Variants in ATAD5 observed in about 807,000 individuals in gnomAD.
ATAD5 encodes ATPase family AAA domain containing 5.
ATAD5 carries 58 observed loss-of-function variants against 176.9 expected under a neutral mutation model. The observed-to-expected ratio is 0.33, with a 90% CI of 0.27 to 0.41. The LOEUF is 0.41. ATAD5 is among the 10% of genes least tolerant of loss of function. The pLI is 1.00. For missense variants in ATAD5, 1,789 were observed against 2,094.1 expected (o/e 0.85, Z 2.84); for synonymous variants, 640 against 712.6 (o/e 0.90, Z 1.62).
chr17:30,895,279 A>G lies in ATAD5; in HGVS notation c.*366A>G, dbSNP rs554570056. The G allele has an allele frequency of 8.9e-5, 14 of 158,186 alleles. No individual in the cohort carries two copies. The highest frequency in any genetic ancestry group is 3.3e-4 in the African/African-American group (14 of 41,796). 9.8% of individuals were successfully genotyped at this position (158,186 alleles called of 1,614,324 possible). A position where few individuals can be genotyped will look rare whatever the true frequency, so the allele number is the denominator to read the frequency against. On this transcript the variant is annotated 3_prime_UTR_variant, in exon 23 of 23. Coordinates refer to ENST00000321990, the MANE Select transcript of ATAD5 (RefSeq NM_024857.5). ...CTTGGCTGCTAACATTAGTGTCACT[A>G]AAGTTGGTATACAATCTCCCACTGC... is the stretch of plus-strand genomic sequence containing the variant.
intron 13 of ATAD5, 26 bp downstream of exon 13, chr17:30,869,416 T>TTTAA: frequency 6.2e-7 from 1 of 1,609,574 alleles, no homozygotes; most frequent in Non-Finnish European, 8.5e-7. Flanking sequence ...GATGAGAGAA[T>TTTAA]GTTAATGTAA....
At chr17:30,883,749 C>T (rs1029135062) in intron 18 of ATAD5, among the ~76,000 whole-genome samples, 3 of 151,992 alleles carry the variant, frequency 2.0e-5, no homozygotes, top group Non-Finnish European at 4.4e-5. Context: ...TGGGGTTTCA[C>T]CATGTTAGCC....
rs1907402527 is a variant in ATAD5 at position 30,858,267 on chromosome 17, T to A, written c.2900T>A (p.Leu967His). ...EFSLKKYFPL[L>H]LKKQIEHQVL... ...TCATTGAAAAAATATTTTCCCTTAC[T>A]CCTAAAAAAACAAATTGAGCACCAA... Residue 967 changes from leucine (L) to histidine (H), a missense_variant, in exon 9 of 23, where the codon CTC becomes CAC. Around this residue, in one of 6 missense-constraint regions of ATAD5, gnomAD observed 487 missense variants for 573.6 expected, o/e 0.85. Coordinates refer to ENST00000321990, the MANE Select transcript of ATAD5 (RefSeq NM_024857.5). 2.5e-6 allele frequency: 4 copies of A among 1,591,276 alleles called. No individual in the cohort carries two copies. The South Asian group carries it at 4.6e-5, about 18-fold the overall frequency.
intron 1 of ATAD5, among the ~76,000 whole-genome samples, chr17:30,833,730 G>A (rs981905694): frequency 6.6e-6 from 1 of 152,190 alleles, no homozygotes; most frequent in African/African-American, 2.4e-5. Context: ...ACCCAGGCTG[G>A]AGTGCAGTGG....
intron 6 of ATAD5, among the ~76,000 whole-genome samples, chr17:30,845,963 G>A (rs1436440923): frequency 1.3e-5 from 2 of 152,192 alleles, no homozygotes. Context: ...GTCAGGTCTA[G>A]GAGCAACATG....
At chr17:30,886,900 G>A (rs1173495782) in intron 18 of ATAD5, among the ~76,000 whole-genome samples, 1 of 151,930 alleles carries the variant, frequency 6.6e-6, no homozygotes, top group Non-Finnish European at 1.5e-5. Flanking sequence ...AATCCTAAGG[G>A]GTTTTATCAA....
chr17:30,858,123 T>C lies in ATAD5; in HGVS notation c.2794-38T>C, dbSNP rs201413696. The stretch of plus-strand genomic sequence containing the variant: ...TATTGTAATTAACATGAATAGATGA[T>C]GTTGGTCTGTTATTGTGCATTTTAT... On this transcript the variant is annotated intron_variant, in intron 8 of 22. Coordinates refer to ENST00000321990, the MANE Select transcript of ATAD5 (RefSeq NM_024857.5). The C allele has an allele frequency of 2.2e-3, 3,160 of 1,429,514 alleles. 4 individuals carry two copies. The highest frequency in any genetic ancestry group is 2.7e-3 in the Non-Finnish European group (2,922 of 1,074,328). The allele number at this position is 1,429,514 out of a possible 1,614,324, so 88.6% of individuals were successfully genotyped here.
intron 6 of ATAD5, among the ~76,000 whole-genome samples, chr17:30,851,301 C>T (rs1391305392): frequency 1.6e-4 from 23 of 148,310 alleles, no homozygotes; most frequent in African/African-American, 5.4e-4. Flanking sequence ...TCAAGACCAT[C>T]CTGGCTAACA....
At chr17:30,851,365 G>A (rs1186987271) in intron 6 of ATAD5, among the ~76,000 whole-genome samples, 1 of 150,790 alleles carries the variant, frequency 6.6e-6, no homozygotes, top group Non-Finnish European at 1.5e-5. Flanking sequence ...GCGTGGTGGC[G>A]GGCGCCTGTA....
At chr17:30,886,089 A>G (rs1909307832) in intron 18 of ATAD5, among the ~76,000 whole-genome samples, 1 of 151,700 alleles carries the variant, frequency 6.6e-6, no homozygotes, top group African/African-American at 2.4e-5. Context: ...TCCACTTTAT[A>G]TATTGATGGA....
rs555255925 is a variant in ATAD5 at position 30,876,475 on chromosome 17, T to C, written c.3709T>C (p.Leu1237=). The change falls in exon 15 of 23, where the codon TTG becomes CTG. Residue 1237 remains leucine, a synonymous_variant. Transcript: ENST00000321990. ...GPKRALPPKT[L]ANYFKVSPKP... Reference sequence around the variant, plus strand: ...AAAGCGAGCACTTCCTCCCAAAACCTTGGCAAATTATTTTAAAGTATCTCC... The same window carrying C: ...AAAGCGAGCACTTCCTCCCAAAACCCTGGCAAATTATTTTAAAGTATCTCC... 1.7e-4 allele frequency: 274 copies of C among 1,608,104 alleles called. 1 individual carries two copies. The Middle Eastern group carries it at 2.8e-3, about 17-fold the overall frequency.
intron 6 of ATAD5, among the ~76,000 whole-genome samples, chr17:30,848,456 G>A (rs1265964547): frequency 6.6e-6 from 1 of 151,870 alleles, no homozygotes; most frequent in Non-Finnish European, 1.5e-5. Context: ...ACAGGGTTTT[G>A]CCATGTTGCC....
At chr17:30,854,993 A>T (rs951633057) in intron 6 of ATAD5, 150 bp from the exon 7 acceptor site, 9 of 671,228 alleles carry the variant, frequency 1.3e-5, no homozygotes, top group African/African-American at 1.3e-4. Context: ...TCCTTGCCTT[A>T]AGTGATCCGC....
intron 14 of ATAD5, among the ~76,000 whole-genome samples, chr17:30,872,558 T>C (rs1050341101): frequency 9.3e-5 from 12 of 128,946 alleles, no homozygotes; most frequent in African/African-American, 3.2e-4. Flanking sequence ...TTTTTTCTTT[T>C]TTTTTTTCTT....
At chr17:30,850,132 T>A (rs191680824) in intron 6 of ATAD5, among the ~76,000 whole-genome samples, 1 of 152,052 alleles carries the variant, frequency 6.6e-6, no homozygotes, top group East Asian at 1.9e-4. Context: ...CAGAGCAAGA[T>A]GCGGTCGCTA....
chr17:30,850,833 T>TTATATATATATA (rs1312470807), intron 6 of ATAD5, among the ~76,000 whole-genome samples: 153 of 27,742 alleles, frequency 5.5e-3, no homozygotes, highest in South Asian at 9.1e-3. Flanking sequence ...TTATATATTT[T>TTATATATATATA]TATATATATA....
In ATAD5 at chr17:30,834,403, G is replaced by A. The variant is rs1168226571; in HGVS notation, c.322G>A (p.Val108Ile). The A allele has an allele frequency of 3.1e-6, 5 of 1,602,252 alleles. No homozygotes were observed. The African/African-American group carries it at 5.4e-5, about 17-fold the overall frequency. The change falls in exon 2 of 23, where the codon GTA (valine) becomes ATA (isoleucine). Residue 108 changes from valine to isoleucine, a missense_variant. This residue lies in a region of ATAD5 where 696 missense variants were observed against 712.5 expected (regional missense o/e 0.98). Coordinates refer to ENST00000321990, the MANE Select transcript of ATAD5 (RefSeq NM_024857.5). ...GACACCTTTGGAAATGTTCTCAAATGTAGAGTTTAAGAAGAAAAGAAAGAG... is the reference window on the plus strand; with the variant it reads ...GACACCTTTGGAAATGTTCTCAAATATAGAGTTTAAGAAGAAAAGAAAGAG... The part of the protein sequence containing the change: ...CTTPLEMFSN[V>I]EFKKKRKRVN...
At chr17:30,848,717 G>A (rs558334598) in intron 6 of ATAD5, among the ~76,000 whole-genome samples, 1 of 152,128 alleles carries the variant, frequency 6.6e-6, no homozygotes, top group South Asian at 2.1e-4. Flanking sequence ...CCAGGCAAAC[G>A]CTAGTCTCTT....
At chr17:30,865,262 T>C (rs9912843) in intron 10 of ATAD5, among the ~76,000 whole-genome samples, 15,848 of 149,926 alleles carry the variant, frequency 0.11, 942 homozygotes, top group South Asian at 0.24. Context: ...AAGCTCCGCC[T>C]CCCGGGTTCA....
Sources: gnomAD v4.1 joint callset for allele counts (sites outside exome capture counted in the v4.1 genomes callset) on GRCh38, gnomAD v4.1.1 for gene constraint, gnomAD v4.1.1 regional missense constraint, MANE v1.5 for transcripts, NCBI Gene and HGNC (gene_info 2026-07-23, HGNC 2026-07-21) for gene names.